Variants in EIF4G2 observed in about 807,000 individuals in gnomAD.
EIF4G2 encodes the protein DAP-5.
A neutral mutation model predicts 117.7 loss-of-function variants in EIF4G2; 8 were observed. That is an observed-to-expected ratio of 0.07 (90% confidence interval 0.04 to 0.12). The LOEUF is 0.12. Ranked by LOEUF, EIF4G2 falls within the 10% of genes least tolerant of loss-of-function variation. The pLI is 1.00. For missense variants in EIF4G2, 812 were observed against 1,086.2 expected (o/e 0.75, Z 3.55); for synonymous variants, 413 against 367.8 (o/e 1.12, Z -1.41).
At chr11:10,801,400 C>T in intron 14 of EIF4G2, 2 of 640,668 alleles carry the variant, frequency 3.1e-6, no homozygotes, top group African/African-American at 3.6e-5. Flanking sequence ...GTTAAATCAC[C>T]CTTACAAAGA....
In EIF4G2 at chr11:10,800,311, T is replaced by A. The variant is rs1484353921; in HGVS notation, c.1898A>T (p.Glu633Val). The A allele has an allele frequency of 6.2e-7, 1 of 1,614,150 alleles. No individual in the cohort carries two copies. The highest frequency in any genetic ancestry group is 1.1e-5 in the South Asian group (1 of 91,086). ...GGATTTCACCAAAGGGATGTCAACC[T>A]CCAGTTTGGGACACTGGTCCAATAC... The change falls in exon 18 of 22, where the codon GAG becomes GTG. Residue 633 changes from glutamate to valine, a missense_variant. This residue lies in a region of EIF4G2 where 571 missense variants were observed against 642.3 expected (regional missense o/e 0.89). Coordinates refer to ENST00000339995, the MANE Select transcript of EIF4G2 (RefSeq NM_001418.4).
rs1847292852 is a variant in EIF4G2 at position 10,797,570 on chromosome 11, ATT to A, written c.*244_*245del. 2.1e-6 allele frequency: 1 copy of A among 465,206 alleles called. No homozygotes were observed. The highest frequency in any genetic ancestry group is 3.8e-6 in the Non-Finnish European group (1 of 260,620). The allele number at this position is 465,206 out of a possible 1,614,324, so 28.8% of individuals were successfully genotyped here. A position where few individuals can be genotyped will look rare whatever the true frequency, so the allele number is the denominator to read the frequency against. On this transcript the variant is annotated 3_prime_UTR_variant, in exon 22 of 22. Coordinates refer to ENST00000339995, the MANE Select transcript of EIF4G2 (RefSeq NM_001418.4). This position sits in a 1 kb window ranked among gnomAD's most constrained non-coding sequence, Gnocchi z 4.5. ...CCTCTGCTTGAGAACTTATGATGTA[ATT>A]ATTGCATGCTGCTAATATACTATCT...
At chr11:10,808,311 C>T in intron 1 of EIF4G2, 1 of 1,213,192 alleles carries the variant, frequency 8.2e-7, no homozygotes, top group Non-Finnish European at 1.0e-6. Flanking sequence ...GGGACGCCTG[C>T]GGTTCCCTGG....
At chr11:10,798,892 G>A in intron 21 of EIF4G2, 100 bp downstream of exon 21, 2 of 1,393,648 alleles carry the variant, frequency 1.4e-6, no homozygotes, top group African/African-American at 1.4e-5. Flanking sequence ...CTACTAACTA[G>A]GACTACCTTG....
Position 10,803,770 on chromosome 11 carries a change from A to G in EIF4G2, c.702+129T>C. 2.3e-6 allele frequency: 3 copies of G among 1,293,840 alleles called. No homozygotes were observed. Among genetic ancestry groups the G allele is most frequent in the Non-Finnish European group, 3.2e-6 (3 of 934,688 alleles). 80.1% of individuals were successfully genotyped at this position (1,293,840 alleles called of 1,614,324 possible). A position where few individuals can be genotyped will look rare whatever the true frequency, so the allele number is the denominator to read the frequency against. ...CTTTGTCAAACACACCACGTATTTC[A>G]AATTATTCTGTTTAGTAAATTTTGT... On this transcript the variant is annotated intron_variant, in intron 8 of 21. Transcript: ENST00000339995. The surrounding 1 kb of genome is among the most constrained non-coding windows in gnomAD (Gnocchi z 4.0).
At position 10,803,113 on chromosome 11, in the gene EIF4G2, G is replaced by T. The variant is rs1847473963; in HGVS notation, c.913C>A (p.Arg305=). 5.0e-6 allele frequency: 8 copies of T among 1,609,892 alleles called. No individual in the cohort carries two copies. The highest frequency in any genetic ancestry group is 6.8e-6 in the Non-Finnish European group (8 of 1,177,828). The change falls in exon 11 of 22, where the codon CGA becomes AGA. Residue 305 remains arginine, a synonymous_variant. Transcript: ENST00000339995. The surrounding 1 kb of genome is among the most constrained non-coding windows in gnomAD (Gnocchi z 4.0). The stretch of plus-strand genomic sequence containing the variant: ...TTGCGAGGAACCCAATGGTGTTCTC[G>T]CAACTCTACGGTATCCTTTAATTGA...
chr11:10,803,180 TTACC>T lies in EIF4G2; in HGVS notation c.897+27_897+30del. The stretch of plus-strand genomic sequence containing the variant: ...AATATTCCTAAACCAAAAACTCAGC[TTACC>T]AACAAATTTAAAGAAACCAGTATTA... On this transcript the variant is annotated intron_variant, in intron 10 of 21. Coordinates refer to ENST00000339995, the MANE Select transcript of EIF4G2 (RefSeq NM_001418.4). This position sits in a 1 kb window ranked among gnomAD's most constrained non-coding sequence, Gnocchi z 4.0. The T allele has an allele frequency of 6.2e-7, 1 of 1,608,478 alleles. No homozygotes were observed. The highest frequency in any genetic ancestry group is 8.5e-7 in the Non-Finnish European group (1 of 1,178,402).
chr11:10,804,592 CA>C, intron 5 of EIF4G2, 174 bp from the exon 6 acceptor site: 1 of 780,600 alleles, frequency 1.3e-6, no homozygotes, highest in Non-Finnish European at 1.9e-6. Flanking sequence ...CCATGGATAT[CA>C]AAACTTTCAA....
intron 11 of EIF4G2, among the ~76,000 whole-genome samples, 154 bp downstream of exon 11, chr11:10,802,876 A>G (rs1281246633): frequency 1.3e-5 from 2 of 152,212 alleles, no homozygotes; most frequent in Non-Finnish European, 2.9e-5. Context: ...CAAAAAATAA[A>G]AAAATAAAAG....
chr11:10,805,957 G>A lies in EIF4G2; in HGVS notation c.198C>T (p.Asn66=), dbSNP rs373214916. ...CATGTCGTTCTTTTTCGTTTGCGGA[G>A]TTGTTTGCTGCGGAGTTGTCATCTC... The change falls in exon 4 of 22, where the codon AAC becomes AAT. Residue 66 remains asparagine, a synonymous_variant. Transcript: ENST00000339995. 7 of 1,613,966 alleles carry A rather than the reference G, an allele frequency of 4.3e-6. No homozygotes were observed. The highest frequency in any genetic ancestry group is 1.1e-5 in the South Asian group (1 of 91,078).
Position 10,805,964 on chromosome 11 carries a change from G to C in EIF4G2, c.191C>G (p.Ala64Gly). Residue 64 changes from alanine (A) to glycine (G), a missense_variant, in exon 4 of 22, where the codon GCA (alanine) becomes GGA (glycine). Physicochemically the swap from Ala to Gly is moderately conservative, Grantham distance 60. Around this residue, in one of 4 missense-constraint regions of EIF4G2, gnomAD observed 79 missense variants for 91.5 expected, o/e 0.86. Transcript: ENST00000339995. Reference sequence around the variant, plus strand: ...TTCTTTTTCGTTTGCGGAGTTGTTTGCTGCGGAGTTGTCATCTCGTCTAGT... The same window carrying C: ...TTCTTTTTCGTTTGCGGAGTTGTTTCCTGCGGAGTTGTCATCTCGTCTAGT... The C allele has an allele frequency of 7.4e-6, 12 of 1,613,822 alleles. No homozygotes were observed. Among genetic ancestry groups the C allele is most frequent in the Non-Finnish European group, 1.0e-5 (12 of 1,179,894 alleles).
At chr11:10,807,054 G>C (rs1416479460) in intron 2 of EIF4G2, 169 bp from the exon 3 acceptor site, 2 of 1,115,438 alleles carry the variant, frequency 1.8e-6, no homozygotes, top group Admixed American at 5.0e-5. Context: ...TACAAATGAA[G>C]ACTGAACTCG....
rs911811446 is a variant in EIF4G2 at position 10,808,911 on chromosome 11, C to G, written c.-293G>C. On this transcript the variant is annotated 5_prime_UTR_variant, in exon 1 of 22. Coordinates refer to ENST00000339995, the MANE Select transcript of EIF4G2 (RefSeq NM_001418.4). Reference sequence around the variant, plus strand: ...TACCCGCTGCCACCTCCATAGAGCTCCGACTCACTGCTGGCGCTAAGGCGT... The same window carrying G: ...TACCCGCTGCCACCTCCATAGAGCTGCGACTCACTGCTGGCGCTAAGGCGT... 5 of 155,038 alleles carry G rather than the reference C, an allele frequency of 3.2e-5. No homozygotes were observed. The highest frequency in any genetic ancestry group is 7.2e-5 in the Non-Finnish European group (5 of 69,076). 9.6% of individuals were successfully genotyped at this position (155,038 alleles called of 1,614,324 possible).
chr11:10,803,348 T>C lies in EIF4G2; in HGVS notation c.814-54A>G. On this transcript the variant is annotated intron_variant, in intron 9 of 21. Transcript: ENST00000339995. This position sits in a 1 kb window ranked among gnomAD's most constrained non-coding sequence, Gnocchi z 4.0. ...AGAGCTAAAGCAAATGTGTTCAATT[T>C]ACAGCTTTAAGACTTCTAAAATTAT... is the stretch of plus-strand genomic sequence containing the variant. 2 of 1,595,346 alleles carry C rather than the reference T, an allele frequency of 1.3e-6. No homozygotes were observed. The highest frequency in any genetic ancestry group is 1.7e-6 in the Non-Finnish European group (2 of 1,166,464).
chr11:10,801,647 A>C lies in EIF4G2; in HGVS notation c.1413+14T>G, dbSNP rs1283466889. ...GGACAAACTATGGTATATAAGTAAC[A>C]TAGGCAAATGTACCTCATCTGCATT... On this transcript the variant is annotated intron_variant, in intron 14 of 21. Transcript: ENST00000339995. 6.2e-7 allele frequency: 1 copy of C among 1,605,028 alleles called. No homozygotes were observed.
At position 10,800,818 on chromosome 11, in the gene EIF4G2, G is replaced by A; in HGVS notation, c.1557C>T (p.Leu519=). 1 of 1,614,142 alleles carries A rather than the reference G, an allele frequency of 6.2e-7. No homozygotes were observed. Among genetic ancestry groups the A allele is most frequent in the Non-Finnish European group, 8.5e-7 (1 of 1,180,010 alleles). Residue 519 remains leucine (L), a synonymous_variant, in exon 16 of 22, where the codon CTC becomes CTT. Coordinates refer to ENST00000339995, the MANE Select transcript of EIF4G2 (RefSeq NM_001418.4). ...CCTGGATAAGCGGTGGATTAGTTTT[G>A]AGACCAAGCTGAGGTGTCTAAAAAA...
chr11:10,802,658 G>A (rs893395473), intron 11 of EIF4G2, among the ~76,000 whole-genome samples: 1 of 152,208 alleles, frequency 6.6e-6, no homozygotes, highest in Non-Finnish European at 1.5e-5. Context: ...ATGAGGTCAG[G>A]AGTTCAAGAC....
At chr11:10,808,606 C>T (rs1216060509) in intron 1 of EIF4G2, 99 bp downstream of exon 1, 24 of 647,942 alleles carry the variant, frequency 3.7e-5, no homozygotes, top group Non-Finnish European at 5.0e-5. Context: ...CCACCCGGCT[C>T]CGCCTGCGGC....
intron 14 of EIF4G2, 122 bp from the exon 15 acceptor site, chr11:10,801,209 C>A: frequency 7.1e-7 from 1 of 1,401,360 alleles, no homozygotes; most frequent in Non-Finnish European, 9.5e-7. Flanking sequence ...TTTTGAAAAA[C>A]TAAAGAAGGT....
Sources: allele counts gnomAD v4.1 joint callset (sites outside exome capture counted in the v4.1 genomes callset), GRCh38; gene constraint gnomAD v4.1.1; regional missense constraint gnomAD v4.1.1; non-coding constraint Gnocchi (gnomAD v3.1); transcripts MANE v1.5; gene names NCBI Gene and HGNC (gene_info 2026-07-23, HGNC 2026-07-21).